The following UBP1 variants were observed in gnomAD, a reference collection of about 807,000 sequenced individuals.
The protein encoded by UBP1 is upstream-binding protein 1.
In UBP1, 22 loss-of-function variants were observed where a neutral mutation model predicts 76.1. The ratio of observed to expected loss-of-function variants is 0.29; its 90% CI spans 0.21 to 0.41. The LOEUF is 0.41. Among genes scored for constraint, UBP1 ranks in the 10% least tolerant of loss-of-function variants. UBP1 has a pLI of 1.00. For synonymous variants in UBP1, 224 were observed against 237.1 expected (o/e 0.94, Z 0.51); for missense variants, 436 against 668.1 (o/e 0.65, Z 3.83).
intron 5 of UBP1, 113 bp downstream of exon 5, chr3:33,411,468 C>A (rs2044580901): frequency 2.2e-6 from 2 of 906,606 alleles, no homozygotes; most frequent in Non-Finnish European, 3.5e-6. Context: ...AAAGACACTA[C>A]AACATAGTTT....
chr3:33,420,199 C>T (rs1216121387), intron 2 of UBP1, among the ~76,000 whole-genome samples: 2 of 152,154 alleles, frequency 1.3e-5, no homozygotes, highest in Non-Finnish European at 2.9e-5. Context: ...TGAACTGAAA[C>T]TAACCAGGAG....
At chr3:33,427,814 C>A (rs989378828) in intron 1 of UBP1, among the ~76,000 whole-genome samples, 6 of 152,236 alleles carry the variant, frequency 3.9e-5, no homozygotes, top group African/African-American at 1.4e-4. Context: ...GGTCCCAACA[C>A]TCCCACAGAG....
At chr3:33,433,867 C>G (rs2045156793) in intron 1 of UBP1, among the ~76,000 whole-genome samples, 1 of 150,536 alleles carries the variant, frequency 6.6e-6, no homozygotes, top group East Asian at 2.0e-4. Context: ...GTGCAGTGAT[C>G]AAGTCTGCAA....
At chr3:33,411,858 A>G (rs1190287813) in intron 4 of UBP1, among the ~76,000 whole-genome samples, 171 bp from the exon 5 acceptor site, 1 of 152,000 alleles carries the variant, frequency 6.6e-6, no homozygotes, top group Non-Finnish European at 1.5e-5. Flanking sequence ...AACGAATATC[A>G]TCGTTTCCCC....
chr3:33,409,668 CT>C (rs1322821456), intron 5 of UBP1, 67 bp from the exon 6 acceptor site: 1 of 1,595,368 alleles, frequency 6.3e-7, no homozygotes, highest in Non-Finnish European at 8.6e-7. Context: ...ATTTTGTTCC[CT>C]CTTGAGTGAC....
intron 1 of UBP1, among the ~76,000 whole-genome samples, chr3:33,429,406 T>C (rs1248331099): frequency 6.6e-6 from 1 of 151,894 alleles, no homozygotes; most frequent in Non-Finnish European, 1.5e-5. Context: ...TGGAGTGCAG[T>C]GGCATGATCA....
At chr3:33,431,047 G>C (rs992576464) in intron 1 of UBP1, among the ~76,000 whole-genome samples, 1 of 152,042 alleles carries the variant, frequency 6.6e-6, no homozygotes, top group Admixed American at 6.6e-5. Flanking sequence ...AACTTTAAAG[G>C]ACAGCAAAAC....
intron 7 of UBP1, 50 bp downstream of exon 7, chr3:33,409,186 A>G (rs184554200): frequency 6.4e-7 from 1 of 1,552,574 alleles, no homozygotes; most frequent in African/African-American, 1.4e-5. Context: ...GAAATAGACT[A>G]ATATGCAACC....
intron 10 of UBP1, among the ~76,000 whole-genome samples, chr3:33,400,606 G>A (rs1479083673): frequency 1.3e-5 from 2 of 152,098 alleles, no homozygotes; most frequent in Admixed American, 6.5e-5. Flanking sequence ...TTATATGTGG[G>A]AACTAAAAAA....
intron 9 of UBP1, among the ~76,000 whole-genome samples, chr3:33,401,644 G>C (rs1219690978): frequency 4.6e-5 from 7 of 152,180 alleles, no homozygotes; most frequent in Admixed American, 2.6e-4. Flanking sequence ...CAATTGCTTA[G>C]GTTTATTATC....
intron 1 of UBP1, among the ~76,000 whole-genome samples, chr3:33,430,972 A>T (rs924466312): frequency 4.6e-5 from 7 of 152,166 alleles, no homozygotes; most frequent in African/African-American, 1.7e-4. Flanking sequence ...TCCAAATTAT[A>T]AAATCGTACT....
intron 1 of UBP1, among the ~76,000 whole-genome samples, chr3:33,437,501 G>T (rs1415906236): frequency 1.3e-5 from 2 of 152,154 alleles, no homozygotes; most frequent in African/African-American, 4.8e-5. Context: ...TTCCCTAAGA[G>T]AAGTCTTTTA....
chr3:33,405,540 T>C (rs1417591702), intron 8 of UBP1, among the ~76,000 whole-genome samples: 7 of 152,206 alleles, frequency 4.6e-5, no homozygotes, highest in Admixed American at 4.6e-4. Context: ...CAAAATTCTT[T>C]TGAGGCCAGG....
chr3:33,439,707 G>A (rs758441021), intron 1 of UBP1, 29 bp downstream of exon 1: 8 of 1,607,232 alleles, frequency 5.0e-6, no homozygotes, highest in African/African-American at 2.7e-5. Context: ...AGGAGACAGA[G>A]GCTTCTCCCC....
rs1378102120 is a variant in UBP1, at chr3:33,405,457, AATTT to A, written c.928-2557_928-2554del. 3.3e-5 allele frequency among the ~76,000 whole-genome samples: 5 copies of A among 152,320 alleles called. 1 individual carries two copies. The highest frequency in any genetic ancestry group is 1.2e-4 in the African/African-American group (5 of 41,566). On this transcript the variant is annotated intron_variant, in intron 8 of 15. Transcript: ENST00000283629. ...ACATTGCCTCCTTTGCAGCTATTTA[AATTT>A]ATGATGAAAAAACTTTATGATGAAA... is the stretch of plus-strand genomic sequence containing the variant.
intron 9 of UBP1, among the ~76,000 whole-genome samples, chr3:33,402,248 C>T (rs1391608637): frequency 6.6e-6 from 1 of 152,206 alleles, no homozygotes; most frequent in Non-Finnish European, 1.5e-5. Context: ...TGCTCCCACC[C>T]TGAGCTTACT....
chr3:33,399,803 C>A (rs956268746), intron 11 of UBP1, among the ~76,000 whole-genome samples: 2 of 152,076 alleles, frequency 1.3e-5, no homozygotes, highest in Non-Finnish European at 2.9e-5. Context: ...TGCTATTGTA[C>A]TATAATTATG....
At chr3:33,429,519 G>C (rs1344337190) in intron 1 of UBP1, among the ~76,000 whole-genome samples, 1 of 151,964 alleles carries the variant, frequency 6.6e-6, no homozygotes, top group Non-Finnish European at 1.5e-5. Flanking sequence ...TAGTAGAGTG[G>C]GGTTTCCCCA....
At chr3:33,413,654 G>A (rs143878445) in intron 3 of UBP1, among the ~76,000 whole-genome samples, 7 of 152,112 alleles carry the variant, frequency 4.6e-5, no homozygotes, top group African/African-American at 1.4e-4. Flanking sequence ...GGCCAGGTGC[G>A]GTGGGGCTCA....
Sources: gnomAD v4.1 joint callset for allele counts (sites outside exome capture counted in the v4.1 genomes callset) on GRCh38, gnomAD v4.1.1 for gene constraint, MANE v1.5 for transcripts, NCBI Gene and HGNC (gene_info 2026-07-23, HGNC 2026-07-21) for gene names.